INPP4B: variants seen among roughly 807,000 people sequenced by gnomAD.
INPP4B encodes inositol polyphosphate 4-phosphatase type II.
INPP4B carries 55 observed loss-of-function variants against 122.5 expected under a neutral mutation model. That is an observed-to-expected ratio of 0.45 (90% CI 0.36 to 0.56). INPP4B has a LOEUF of 0.56. INPP4B is among the 20% of genes least tolerant of loss of function. The pLI, the probability that INPP4B is intolerant of heterozygous loss-of-function variation, is 0.00. For synonymous variants in INPP4B, 403 were observed against 388.7 expected (o/e 1.04, Z -0.43); for missense variants, 1,000 against 1,097.7 (o/e 0.91, Z 1.26).
At chr4:142,339,395 G>C (rs897142003) in intron 7 of INPP4B, among the ~76,000 whole-genome samples, 1 of 152,150 alleles carries the variant, frequency 6.6e-6, no homozygotes, top group Non-Finnish European at 1.5e-5. Context: ...AAAGCACATA[G>C]AAGCACAAGT....
chr4:142,059,942 C>G (rs983062949), intron 25 of INPP4B, among the ~76,000 whole-genome samples: 2 of 152,182 alleles, frequency 1.3e-5, no homozygotes, highest in Non-Finnish European at 2.9e-5. Context: ...TAGTAGGAAA[C>G]TCAAGTGAAT....
chr4:142,318,636 T>C (rs535309847), intron 7 of INPP4B, among the ~76,000 whole-genome samples: 1 of 152,148 alleles, frequency 6.6e-6, no homozygotes, highest in African/African-American at 2.4e-5. Flanking sequence ...ACTTTTATGA[T>C]GTCAAATAAA....
intron 2 of INPP4B, among the ~76,000 whole-genome samples, chr4:142,537,429 T>TATATATATAGAGAGAGAG (rs1200701380): frequency 7.1e-4 from 18 of 25,478 alleles, no homozygotes; most frequent in Non-Finnish European, 1.2e-3. Context: ...TATATATATA[T>TATATATATAGAGAGAGAG]AGAGAGAGAG....
intron 2 of INPP4B, among the ~76,000 whole-genome samples, chr4:142,544,617 T>C (rs1829341254): frequency 6.6e-6 from 1 of 152,172 alleles, no homozygotes; most frequent in Admixed American, 6.5e-5. Flanking sequence ...TCATGCTTTA[T>C]ATTCCTTCCT....
intron 3 of INPP4B, among the ~76,000 whole-genome samples, chr4:142,435,463 C>T (rs925808604): frequency 2.3e-5 from 1 of 43,790 alleles, no homozygotes; most frequent in African/African-American, 8.8e-5. Flanking sequence ...AAAAAAAGTA[C>T]AGGAATTTAT....
At chr4:142,832,566 C>T (rs1367073558) in intron 1 of INPP4B, among the ~76,000 whole-genome samples, 1 of 152,226 alleles carries the variant, frequency 6.6e-6, no homozygotes, top group Non-Finnish European at 1.5e-5. Flanking sequence ...GAAAAGTCCA[C>T]CTGGCCCCGG....
At chr4:142,325,956 T>C (rs557853890) in intron 7 of INPP4B, among the ~76,000 whole-genome samples, 1 of 152,328 alleles carries the variant, frequency 6.6e-6, no homozygotes, top group South Asian at 2.1e-4. Context: ...ATGGCAACAA[T>C]ATCTGTAGAC....
chr4:142,175,305 T>C (rs542108228), intron 15 of INPP4B, among the ~76,000 whole-genome samples: 1 of 152,304 alleles, frequency 6.6e-6, no homozygotes, highest in Admixed American at 6.5e-5. Flanking sequence ...ATCTGTTCTA[T>C]TCTTCTCACA....
chr4:142,696,204 T>C (rs1410795064), intron 2 of INPP4B, among the ~76,000 whole-genome samples: 3 of 152,046 alleles, frequency 2.0e-5, no homozygotes, highest in Non-Finnish European at 4.4e-5. Context: ...CTAAAACAGA[T>C]CATTTCCTCT....
chr4:142,200,340 C>G (rs1272485647), intron 14 of INPP4B, among the ~76,000 whole-genome samples: 2 of 151,810 alleles, frequency 1.3e-5, no homozygotes. Flanking sequence ...TGTATTTTCC[C>G]TGACCCAGCC....
intron 2 of INPP4B, among the ~76,000 whole-genome samples, chr4:142,588,605 A>G (rs889315666): frequency 3.3e-5 from 5 of 150,712 alleles, no homozygotes; most frequent in African/African-American, 1.2e-4. Flanking sequence ...TATTAATTCC[A>G]AAAAATGAAA....
At chr4:142,109,666 C>G (rs563451036) in intron 22 of INPP4B, among the ~76,000 whole-genome samples, 3 of 152,280 alleles carry the variant, frequency 2.0e-5, no homozygotes, top group East Asian at 3.9e-4. Flanking sequence ...CTCATCTCCT[C>G]TATGATACTT....
At chr4:142,773,924 T>C (rs1256675524) in intron 1 of INPP4B, among the ~76,000 whole-genome samples, 1 of 152,136 alleles carries the variant, frequency 6.6e-6, no homozygotes, top group East Asian at 1.9e-4. Flanking sequence ...TCCTATTCAC[T>C]GGAATTGGCC....
chr4:142,301,715 G>A (rs1579661124), intron 9 of INPP4B, among the ~76,000 whole-genome samples: 1 of 152,036 alleles, frequency 6.6e-6, no homozygotes, highest in South Asian at 2.1e-4. Context: ...CTTAGTAAAT[G>A]TTTGCTGAAT....
chr4:142,429,234 C>G lies in INPP4B; in HGVS notation c.92-17G>C, dbSNP rs767241461. The G allele has an allele frequency of 6.8e-7, 1 of 1,468,910 alleles. No individual in the cohort carries two copies. Among genetic ancestry groups the G allele is most frequent in the Non-Finnish European group, 9.4e-7 (1 of 1,062,192 alleles). The allele number at this position is 1,468,910 out of a possible 1,614,324, so 91.0% of individuals were successfully genotyped here. A position where few individuals can be genotyped will look rare whatever the true frequency, so the allele number is the denominator to read the frequency against. ...TCTGGATACCTATAAATAATAGGAG[C>G]AAATTCAGATTTTTAAAAAATTGAA... On this transcript the variant is annotated splice_polypyrimidine_tract_variant and intron_variant, in intron 4 of 25. Coordinates refer to ENST00000262992, the MANE Select transcript of INPP4B (RefSeq NM_001101669.3).
intron 2 of INPP4B, among the ~76,000 whole-genome samples, chr4:142,642,036 T>C (rs1330880848): frequency 1.3e-5 from 2 of 152,222 alleles, no homozygotes; most frequent in African/African-American, 4.8e-5. Context: ...AGCATTTTTT[T>C]CTGTGTCTGT....
At chr4:142,501,244 C>A (rs952816242) in intron 2 of INPP4B, among the ~76,000 whole-genome samples, 1 of 152,128 alleles carries the variant, frequency 6.6e-6, no homozygotes, top group African/African-American at 2.4e-5. Flanking sequence ...CGGAAGCCAG[C>A]GCCCTTAACC....
At chr4:142,335,903 G>A (rs532159493) in intron 7 of INPP4B, among the ~76,000 whole-genome samples, 12 of 152,304 alleles carry the variant, frequency 7.9e-5, no homozygotes, top group African/African-American at 2.4e-4. Context: ...CAAAAAGACA[G>A]CCTGAAGCCT....
chr4:142,721,121 A>G (rs1193086856), intron 2 of INPP4B, among the ~76,000 whole-genome samples: 1 of 151,820 alleles, frequency 6.6e-6, no homozygotes, highest in East Asian at 1.9e-4. Flanking sequence ...AAATGAGCAG[A>G]TCTGCTAAAG....
Sources: allele counts gnomAD v4.1 joint callset (sites outside exome capture counted in the v4.1 genomes callset), GRCh38; gene constraint gnomAD v4.1.1; transcripts MANE v1.5; gene names NCBI Gene and HGNC (gene_info 2026-07-23, HGNC 2026-07-21).